Variants in LINGO2 observed in about 807,000 individuals in gnomAD.
The protein encoded by LINGO2 is leucine rich repeat and Ig domain containing 2, also known as leucine-rich repeat and immunoglobulin-like domain-containing nogo receptor-interacting protein 2.
LINGO2 carries 14 observed loss-of-function variants against 30.6 expected under a neutral mutation model. That is an observed-to-expected ratio of 0.46 (90% confidence interval 0.30 to 0.72). LINGO2 has a LOEUF of 0.72. Ranked by LOEUF, LINGO2 falls within the 30% of genes least tolerant of loss-of-function variation. LINGO2 has a pLI of 0.07. For missense variants in LINGO2, 729 were observed against 751.7 expected (o/e 0.97, Z 0.35); for synonymous variants, 317 against 288.5 (o/e 1.10, Z -1.00).
chr9:27,999,552 G>A (rs965116587), intron 5 of LINGO2, among the ~76,000 whole-genome samples: 1 of 151,990 alleles, frequency 6.6e-6, no homozygotes, highest in Non-Finnish European at 1.5e-5. Context: ...TACTCATTGG[G>A]CTTTTCATCC....
chr9:28,879,508 T>C, the LINGO2 span, among the ~76,000 whole-genome samples: 2 of 152,218 alleles, frequency 1.3e-5, no homozygotes, highest in African/African-American at 2.4e-5. Flanking sequence ...CATACACAGC[T>C]AGATTCTACA....
chr9:28,949,489 C>G, the LINGO2 span, among the ~76,000 whole-genome samples: 1 of 152,136 alleles, frequency 6.6e-6, no homozygotes, highest in African/African-American at 2.4e-5. Flanking sequence ...CACATCTACA[C>G]AAATAAAGTA....
chr9:28,622,330 A>C (rs1047671383), intron 1 of LINGO2, among the ~76,000 whole-genome samples: 3 of 151,752 alleles, frequency 2.0e-5, no homozygotes, highest in Non-Finnish European at 4.4e-5. Flanking sequence ...TCTGGTAACC[A>C]TCCTTCTACT....
chr9:28,443,693 G>T (rs993767113), intron 2 of LINGO2, among the ~76,000 whole-genome samples: 1 of 152,334 alleles, frequency 6.6e-6, no homozygotes, highest in South Asian at 2.1e-4. Flanking sequence ...CTGGACTTTG[G>T]GTGCCAACGA....
At chr9:28,637,494 C>T (rs555559029) in intron 1 of LINGO2, among the ~76,000 whole-genome samples, 12 of 152,190 alleles carry the variant, frequency 7.9e-5, no homozygotes, top group East Asian at 1.9e-4. Context: ...TCTTTTATTT[C>T]GTTGAGCAGT....
intron 1 of LINGO2, among the ~76,000 whole-genome samples, chr9:28,645,258 T>A (rs1444415755): frequency 2.0e-5 from 3 of 152,114 alleles, no homozygotes; most frequent in African/African-American, 7.2e-5. Context: ...CATAACCCAC[T>A]GTGTGTCATA....
At chr9:29,008,799 C>T in the LINGO2 span, among the ~76,000 whole-genome samples, 33 of 151,904 alleles carry the variant, frequency 2.2e-4, no homozygotes, top group Middle Eastern at 3.4e-3. Flanking sequence ...TGTAAAAAAA[C>T]GAATTCCAGC....
chr9:28,928,847 C>T, the LINGO2 span, among the ~76,000 whole-genome samples: 1 of 152,032 alleles, frequency 6.6e-6, no homozygotes, highest in Non-Finnish European at 1.5e-5. Context: ...CGCAATCGGC[C>T]CCGTATGTGA....
chr9:28,077,476 T>G (rs762310617), intron 4 of LINGO2, among the ~76,000 whole-genome samples: 7 of 152,208 alleles, frequency 4.6e-5, no homozygotes, highest in Non-Finnish European at 1.0e-4. Context: ...TTTTATTCAC[T>G]CATGGATTCA....
rs146847286 is a variant in LINGO2, at chr9:28,423,101, G to A, written c.-278-50233C>T. Among the ~76,000 whole-genome samples, 64 of 152,178 alleles carry A rather than the reference G, an allele frequency of 4.2e-4. 1 individual carries two copies. Among genetic ancestry groups the A allele is most frequent in the African/African-American group, 1.5e-3 (61 of 41,534 alleles). ...ACGAAAAGAGTCCCAAAGGTTGATCGTGGTAATGGTTAAACAAAAATATGA... is the reference window on the plus strand; with the variant it reads ...ACGAAAAGAGTCCCAAAGGTTGATCATGGTAATGGTTAAACAAAAATATGA... On this transcript the variant is annotated intron_variant, in intron 2 of 5. Transcript: ENST00000379992.
the LINGO2 span, among the ~76,000 whole-genome samples, chr9:28,816,607 G>A: frequency 6.6e-6 from 1 of 152,050 alleles, no homozygotes; most frequent in Non-Finnish European, 1.5e-5. Flanking sequence ...AAGGGTCTGT[G>A]TCTCTACTAA....
intron 1 of LINGO2, among the ~76,000 whole-genome samples, chr9:28,622,373 T>C (rs1826441006): frequency 6.6e-6 from 1 of 151,912 alleles, no homozygotes; most frequent in African/African-American, 2.4e-5. Context: ...TTATTTTTTA[T>C]TTTAATTTTA....
At chr9:28,353,360 C>T (rs1034225375) in intron 3 of LINGO2, among the ~76,000 whole-genome samples, 44 of 150,604 alleles carry the variant, frequency 2.9e-4, no homozygotes, top group Non-Finnish European at 4.1e-4. Flanking sequence ...ACAGACACTT[C>T]TCAAAAGAAG....
chr9:29,184,035 AAGG>A, the LINGO2 span, among the ~76,000 whole-genome samples: 1 of 152,158 alleles, frequency 6.6e-6, no homozygotes, highest in Non-Finnish European at 1.5e-5. Context: ...GATTGCAGTG[AAGG>A]AACACGCTCT....
chr9:28,003,782 T>C (rs1304581215), intron 5 of LINGO2, among the ~76,000 whole-genome samples: 2 of 152,168 alleles, frequency 1.3e-5, no homozygotes, highest in Admixed American at 6.5e-5. Flanking sequence ...ATTATACCAA[T>C]TGGTCTGTGG....
At chr9:28,227,417 G>T (rs760075502) in intron 4 of LINGO2, among the ~76,000 whole-genome samples, 2 of 151,932 alleles carry the variant, frequency 1.3e-5, no homozygotes, top group Non-Finnish European at 2.9e-5. Context: ...ATCTGACCCA[G>T]CTATAATTTA....
chr9:29,146,785 C>T, the LINGO2 span, among the ~76,000 whole-genome samples: 2 of 151,960 alleles, frequency 1.3e-5, no homozygotes, highest in African/African-American at 4.8e-5. Context: ...GAACCAAAGA[C>T]AAAGTGGCAG....
chr9:28,345,678 G>A (rs115236378), intron 3 of LINGO2, among the ~76,000 whole-genome samples: 3,691 of 152,204 alleles, frequency 0.024, 54 homozygotes, highest in Middle Eastern at 0.044. Context: ...TCACATTTGA[G>A]TTTTGTCCAG....
intron 2 of LINGO2, among the ~76,000 whole-genome samples, chr9:28,459,021 C>T (rs1824966820): frequency 6.6e-6 from 1 of 151,614 alleles, no homozygotes; most frequent in Non-Finnish European, 1.5e-5. Flanking sequence ...ATGATTTATT[C>T]AATAATTATC....
Sources: allele counts gnomAD v4.1 joint callset (sites outside exome capture counted in the v4.1 genomes callset), GRCh38; gene constraint gnomAD v4.1.1; transcripts MANE v1.5; gene names NCBI Gene and HGNC (gene_info 2026-07-23, HGNC 2026-07-21).